Variants in PKP4 observed in about 807,000 individuals in gnomAD.
PKP4 encodes the protein plakophilin-4.
PKP4 carries 90 observed loss-of-function variants against 145.1 expected under a neutral mutation model. The ratio of observed to expected loss-of-function variants is 0.62; its 90% CI spans 0.52 to 0.74. PKP4 has a LOEUF of 0.74. Ranked by LOEUF, PKP4 falls within the 30% of genes least tolerant of loss-of-function variation. The pLI is 0.00. For synonymous variants in PKP4, 563 were observed against 577.2 expected, an observed-to-expected ratio of 0.98 and a Z score of 0.35; for missense variants, 1,340 against 1,482.7, an observed-to-expected ratio of 0.90 and a Z score of 1.58.
chr2:158,572,954 C>G (rs2047533224), intron 2 of PKP4, among the ~76,000 whole-genome samples: 1 of 152,216 alleles, frequency 6.6e-6, no homozygotes, highest in Non-Finnish European at 1.5e-5. Flanking sequence ...CAATCATTAT[C>G]AAGCAAAACT....
intron 4 of PKP4, among the ~76,000 whole-genome samples, chr2:158,608,907 G>A (rs1355650613): frequency 7.2e-6 from 1 of 139,244 alleles, no homozygotes. Context: ...GCCACCTCCT[G>A]GGTTCAAGAG....
intron 10 of PKP4, among the ~76,000 whole-genome samples, chr2:158,641,197 C>T (rs1335677968): frequency 6.6e-6 from 1 of 151,998 alleles, no homozygotes; most frequent in African/African-American, 2.4e-5. Flanking sequence ...ATTAGCTGGA[C>T]ATGGTGGTGC....
At chr2:158,630,926 T>TTTG (rs1574868630) in intron 7 of PKP4, among the ~76,000 whole-genome samples, 2 of 151,112 alleles carry the variant, frequency 1.3e-5, no homozygotes, top group African/African-American at 2.4e-5. Flanking sequence ...GAGAAAGTGT[T>TTTG]TTTGTTTGTT....
chr2:158,650,758 C>T (rs2055285882), intron 11 of PKP4, among the ~76,000 whole-genome samples: 1 of 152,232 alleles, frequency 6.6e-6, no homozygotes, highest in Non-Finnish European at 1.5e-5. Context: ...CCTGAGTGAG[C>T]TCCCCCGTGC....
At chr2:158,666,036 G>C (rs1036364750) in intron 15 of PKP4, 2 of 155,324 alleles carry the variant, frequency 1.3e-5, no homozygotes, top group Non-Finnish European at 2.8e-5. Flanking sequence ...ATGGGTTACT[G>C]TCTCTGCCAT....
intron 3 of PKP4, among the ~76,000 whole-genome samples, chr2:158,579,169 G>A (rs2048115465): frequency 6.6e-6 from 1 of 152,118 alleles, no homozygotes; most frequent in Non-Finnish European, 1.5e-5. Context: ...CACTAAAGAT[G>A]AGCTCACAGT....
At position 158,680,703 on chromosome 2, in the gene PKP4, C is replaced by G; in HGVS notation, c.*26C>G. ...CATCAAGATGCCCAACAGAGGAACT[C>G]TTTCTTTCTAACCTTGTTCAGATTG... On this transcript the variant is annotated 3_prime_UTR_variant, in exon 22 of 22. Transcript: ENST00000389759. 5 of 1,576,576 alleles carry G rather than the reference C, an allele frequency of 3.2e-6. No homozygotes were observed. Among genetic ancestry groups the G allele is most frequent in the Non-Finnish European group, 4.3e-6 (5 of 1,163,208 alleles).
At chr2:158,673,254 G>A (rs568166351) in intron 17 of PKP4, among the ~76,000 whole-genome samples, 1 of 152,316 alleles carries the variant, frequency 6.6e-6, no homozygotes, top group Non-Finnish European at 1.5e-5. Context: ...TTAGATGAAG[G>A]CTTAATAAAG....
rs113884134 is a variant in PKP4, at chr2:158,487,092, T to C, written c.-6+29874T>C. Among the ~76,000 whole-genome samples, 222 of 152,198 alleles carry C rather than the reference T, an allele frequency of 1.5e-3. 1 individual carries two copies. Among genetic ancestry groups the C allele is most frequent in the African/African-American group, 5.2e-3 (214 of 41,500 alleles). ...TATAAAGCATACCTATAAACTGGGG[T>C]GGGACAGAGAAGTAGTGGCCAGAGA... On this transcript the variant is annotated intron_variant, in intron 1 of 21. Coordinates refer to ENST00000389759, the MANE Select transcript of PKP4 (RefSeq NM_003628.6).
Position 158,642,642 on chromosome 2 carries a change from G to T in PKP4, c.1852G>T (p.Ala618Ser), listed in dbSNP as rs2054404792. The T allele has an allele frequency of 6.2e-7, 1 of 1,612,434 alleles. No homozygotes were observed. The highest frequency in any genetic ancestry group is 2.2e-5 in the East Asian group (1 of 44,844). Residue 618 changes from alanine (A) to serine (S), a missense_variant, in exon 11 of 22, where the codon GCC becomes TCC. By Grantham distance (99) the Ala-to-Ser change is moderately conservative. Transcript: ENST00000389759. ...AATGAAGAATGTTGGTGGGATACCT[G>T]CCTTGTTGCGACTGTTGAGAAAATC... ...IAMKNVGGIP[A>S]LLRLLRKSID...
rs373092844 is a variant in PKP4, at chr2:158,505,210, A to G, written c.-5-27970A>G. 2.2e-4 allele frequency among the ~76,000 whole-genome samples: 33 copies of G among 152,342 alleles called. No homozygotes were observed. In the East Asian group the frequency reaches 5.8e-3, roughly 27 times the overall value. On this transcript the variant is annotated intron_variant, in intron 1 of 21. Coordinates refer to ENST00000389759, the MANE Select transcript of PKP4 (RefSeq NM_003628.6). ...TTAGCCATACAGGTATAGGAAGAGT[A>G]TGAGTTCTGCCATAGGCATGCTGAA...
chr2:158,669,634 G>A, intron 16 of PKP4, 86 bp from the exon 17 acceptor site: 1 of 1,083,894 alleles, frequency 9.2e-7, no homozygotes, highest in Non-Finnish European at 1.3e-6. Context: ...TTATTTTTAA[G>A]AGATTGCATG....
intron 1 of PKP4, among the ~76,000 whole-genome samples, chr2:158,496,464 AGTG>A (rs996229502): frequency 6.6e-6 from 1 of 152,166 alleles, no homozygotes; most frequent in Non-Finnish European, 1.5e-5. Flanking sequence ...AAAAATCAAA[AGTG>A]GTGGTAGATC....
At chr2:158,680,093 A>G (rs1220887432) in intron 21 of PKP4, among the ~76,000 whole-genome samples, 1 of 152,186 alleles carries the variant, frequency 6.6e-6, no homozygotes, top group African/African-American at 2.4e-5. Flanking sequence ...ATGCCCAGGT[A>G]ACAGGTGCCT....
In PKP4 at chr2:158,669,514, T is replaced by C. The variant is rs1184195810; in HGVS notation, c.2729-206T>C. On this transcript the variant is annotated intron_variant, in intron 16 of 21. Transcript: ENST00000389759. ...TAATGTTTTATAAATGAATCATTTC[T>C]GCAAGTGACGTTGCAATAAATGTTA... 17 of 392,344 alleles carry C rather than the reference T, an allele frequency of 4.3e-5. No homozygotes were observed. In the East Asian group the frequency reaches 5.9e-4, roughly 14 times the overall value. 24.3% of individuals were successfully genotyped at this position (392,344 alleles called of 1,614,324 possible). A position where few individuals can be genotyped will look rare whatever the true frequency, so the allele number is the denominator to read the frequency against.
At chr2:158,492,045 A>G (rs1191243774) in intron 1 of PKP4, among the ~76,000 whole-genome samples, 1 of 152,140 alleles carries the variant, frequency 6.6e-6, no homozygotes, top group African/African-American at 2.4e-5. Context: ...CTAGGCTGAA[A>G]TAGTCCTCCT....
intron 1 of PKP4, among the ~76,000 whole-genome samples, chr2:158,492,110 C>G (rs1022692840): frequency 6.6e-6 from 1 of 151,912 alleles, no homozygotes; most frequent in Non-Finnish European, 1.5e-5. Context: ...CACCGGGCCC[C>G]TTTTTTTAAC....
At chr2:158,653,435 T>C (rs936187982) in intron 11 of PKP4, among the ~76,000 whole-genome samples, 4 of 152,216 alleles carry the variant, frequency 2.6e-5, no homozygotes, top group African/African-American at 9.7e-5. Context: ...GGTATTTTAA[T>C]TACTTTATTC....
intron 19 of PKP4, among the ~76,000 whole-genome samples, chr2:158,675,075 A>G (rs1455559118): frequency 2.0e-5 from 3 of 152,218 alleles, no homozygotes; most frequent in Non-Finnish European, 2.9e-5. Flanking sequence ...GCTCCCAGGT[A>G]TAGCCTGAAA....
Sources: gnomAD v4.1 joint callset for allele counts (sites outside exome capture counted in the v4.1 genomes callset) on GRCh38, gnomAD v4.1.1 for gene constraint, MANE v1.5 for transcripts, NCBI Gene and HGNC (gene_info 2026-07-23, HGNC 2026-07-21) for gene names.